Variants in ANKFY1 observed in about 807,000 individuals in gnomAD.
The protein encoded by ANKFY1 is ankyrin repeat and FYVE domain-containing protein 1.
ANKFY1 carries 47 observed loss-of-function variants against 128.3 expected under a neutral mutation model. The observed-to-expected ratio is 0.37, with a 90% CI of 0.29 to 0.47. The LOEUF (loss-of-function observed/expected upper bound fraction) is 0.47. ANKFY1 is among the 20% of genes least tolerant of loss of function. The pLI is 1.00. For synonymous variants in ANKFY1, 553 were observed against 601.6 expected (o/e 0.92, Z 1.18); for missense variants, 1,222 against 1,510.6 (o/e 0.81, Z 3.17).
At chr17:4,208,199 C>T in intron 5 of ANKFY1, 117 bp from the exon 6 acceptor site, 1 of 952,562 alleles carries the variant, frequency 1.0e-6, no homozygotes, top group Non-Finnish European at 1.5e-6. Flanking sequence ...TTAACCTTTC[C>T]CAACTCATTT....
intron 7 of ANKFY1, 134 bp from the exon 8 acceptor site, chr17:4,197,711 AT>A: frequency 1.3e-6 from 1 of 783,870 alleles, no homozygotes; most frequent in Non-Finnish European, 2.1e-6. Flanking sequence ...CTCTTGGGGC[AT>A]CTGTAAGTGG....
intron 4 of ANKFY1, among the ~76,000 whole-genome samples, chr17:4,213,937 C>T (rs1265373264): frequency 6.6e-6 from 1 of 152,078 alleles, no homozygotes; most frequent in African/African-American, 2.4e-5. Context: ...TGTAGCACAC[C>T]ACAGCAATGT....
At chr17:4,173,329 G>A (rs762926114) in intron 21 of ANKFY1, 25 bp downstream of exon 21, 2 of 1,608,244 alleles carry the variant, frequency 1.2e-6, no homozygotes, top group African/African-American at 2.7e-5. Context: ...GCGCCGCGGG[G>A]CCTACTCGGG....
At position 4,181,337 on chromosome 17, in the gene ANKFY1, C is replaced by T. The variant is rs780688704; in HGVS notation, c.2157G>A (p.Pro719=). ...GCGTCTGAAGGCACCCACCAGGTCC[C>T]GGACCCCAGCATGTGGCATCACAGC... ...RHGCDATCWG[P]GPGGCLQTLL... The change falls in exon 16 of 25, where the codon CCG becomes CCA. Residue 719 remains proline, a synonymous_variant. Coordinates refer to ENST00000341657, the MANE Select transcript of ANKFY1 (RefSeq NM_001330063.2). This position sits in a 1 kb window ranked among gnomAD's most constrained non-coding sequence, Gnocchi z 4.9. The T allele has an allele frequency of 8.7e-6, 14 of 1,613,996 alleles. No individual in the cohort carries two copies. Among genetic ancestry groups the T allele is most frequent in the East Asian group, 2.2e-5 (1 of 44,900 alleles).
At chr17:4,199,365 T>C (rs1430219898) in intron 7 of ANKFY1, among the ~76,000 whole-genome samples, 1 of 152,166 alleles carries the variant, frequency 6.6e-6, no homozygotes, top group African/African-American at 2.4e-5. Context: ...TTATTTTTTA[T>C]ATTTTTAGTA....
rs1412565770 is a variant in ANKFY1, at chr17:4,180,128, A to T, written c.2241-251T>A. On this transcript the variant is annotated intron_variant, in intron 16 of 24. Transcript: ENST00000341657. ...GAAACTTCCCAGGGGATATGCATAC[A>T]TTTAAAGCCTGAGAACCAGCCGGAT... 18 of 499,316 alleles carry T rather than the reference A, an allele frequency of 3.6e-5. No homozygotes were observed. In the Middle Eastern group the frequency reaches 1.6e-3, roughly 44 times the overall value. 30.9% of individuals were successfully genotyped at this position (499,316 alleles called of 1,614,324 possible).
intron 21 of ANKFY1, 31 bp downstream of exon 21, chr17:4,173,323 C>T (rs772250624): frequency 2.5e-6 from 4 of 1,605,654 alleles, no homozygotes; most frequent in Middle Eastern, 1.7e-4. Context: ...GGCCAGGCGC[C>T]GCGGGGCCTA....
At position 4,263,549 on chromosome 17, in the gene ANKFY1, G is replaced by C. The variant is rs1444704748; in HGVS notation, c.10+383C>G. On this transcript the variant is annotated intron_variant, in intron 1 of 24. Coordinates refer to ENST00000341657, the MANE Select transcript of ANKFY1 (RefSeq NM_001330063.2). Reference sequence around the variant, plus strand: ...GAGGGATGGACCCCTTCCGGATGCAGAACGTGCCAGGACAGCAGTTTCGAT... The same window carrying C: ...GAGGGATGGACCCCTTCCGGATGCACAACGTGCCAGGACAGCAGTTTCGAT... The C allele has an allele frequency of 3.3e-6, 5 of 1,498,298 alleles. No individual in the cohort carries two copies. The Admixed American group carries it at 6.0e-5, about 18-fold the overall frequency. The allele number at this position is 1,498,298 out of a possible 1,614,324, so 92.8% of individuals were successfully genotyped here. A position where few individuals can be genotyped will look rare whatever the true frequency, so the allele number is the denominator to read the frequency against.
Position 4,249,639 on chromosome 17 carries a change from A to C in ANKFY1, c.11-7191T>G, listed in dbSNP as rs535092979. ...CTATCTGGAACACCTAGAATTCTGT[A>C]ACCTCTCACTTCTTACCAAACTCTA... On this transcript the variant is annotated intron_variant, in intron 1 of 24. Transcript: ENST00000341657. 3.3e-5 allele frequency among the ~76,000 whole-genome samples: 5 copies of C among 152,178 alleles called. No individual in the cohort carries two copies. The South Asian group carries it at 6.2e-4, about 19-fold the overall frequency.
chr17:4,227,846 A>C (rs1598111747), intron 3 of ANKFY1, among the ~76,000 whole-genome samples: 1 of 152,194 alleles, frequency 6.6e-6, no homozygotes, highest in Non-Finnish European at 1.5e-5. Flanking sequence ...GTAAACAAAA[A>C]CCAAAACAAC....
Position 4,206,911 on chromosome 17 carries a change from C to T in ANKFY1, c.733-425G>A, listed in dbSNP as rs529453777. On this transcript the variant is annotated intron_variant, in intron 6 of 24. Transcript: ENST00000341657. ...TGGACACCCGGGATAAAACATACTT[C>T]GCTCCCATCTGTCAAGAGCCATTAC... 3.9e-5 allele frequency among the ~76,000 whole-genome samples: 6 copies of T among 152,296 alleles called. No individual in the cohort carries two copies. The East Asian group carries it at 9.6e-4, about 24-fold the overall frequency.
chr17:4,244,220 C>T (rs1967412736), intron 1 of ANKFY1, among the ~76,000 whole-genome samples: 1 of 152,172 alleles, frequency 6.6e-6, no homozygotes, highest in Admixed American at 6.5e-5. Context: ...CATGAGCTAC[C>T]ATGCCCAGCC....
chr17:4,260,269 G>A (rs1968339703), intron 1 of ANKFY1, among the ~76,000 whole-genome samples: 1 of 152,086 alleles, frequency 6.6e-6, no homozygotes, highest in Admixed American at 6.6e-5. Flanking sequence ...AAATCTAGGA[G>A]GAAAAGTTAA....
intron 5 of ANKFY1, among the ~76,000 whole-genome samples, chr17:4,208,564 T>G (rs1226357896): frequency 1.3e-5 from 2 of 152,172 alleles, no homozygotes; most frequent in Non-Finnish European, 2.9e-5. Flanking sequence ...TTATTGCAGA[T>G]CTCTATATTT....
At chr17:4,189,077 G>A (rs1013173832) in intron 11 of ANKFY1, among the ~76,000 whole-genome samples, 1 of 152,152 alleles carries the variant, frequency 6.6e-6, no homozygotes, top group Non-Finnish European at 1.5e-5. Flanking sequence ...TGCTATCGCG[G>A]TAGGTTTGTG....
chr17:4,251,864 G>A (rs1022528066), intron 1 of ANKFY1, among the ~76,000 whole-genome samples: 28 of 151,876 alleles, frequency 1.8e-4, no homozygotes, highest in African/African-American at 5.8e-4. Context: ...GCAAAACCCC[G>A]TCTCTACAAA....
intron 6 of ANKFY1, 74 bp from the exon 7 acceptor site, chr17:4,206,560 C>T: frequency 7.4e-7 from 1 of 1,360,346 alleles, no homozygotes; most frequent in Non-Finnish European, 1.0e-6. Context: ...CCCACCTTGA[C>T]CCTTAAATAT....
Position 4,181,161 on chromosome 17 carries a change from C to T in ANKFY1, c.2240+93G>A. ...CTGTGAAAGTCAAGCCGGCTACTGGCATGCCAAGACTATAGACGGATTTAA... is the reference window on the plus strand; with the variant it reads ...CTGTGAAAGTCAAGCCGGCTACTGGTATGCCAAGACTATAGACGGATTTAA... On this transcript the variant is annotated intron_variant, in intron 16 of 24. Coordinates refer to ENST00000341657, the MANE Select transcript of ANKFY1 (RefSeq NM_001330063.2). This position sits in a 1 kb window ranked among gnomAD's most constrained non-coding sequence, Gnocchi z 4.9. 1 of 1,038,872 alleles carries T rather than the reference C, an allele frequency of 9.6e-7. No homozygotes were observed. The highest frequency in any genetic ancestry group is 1.5e-6 in the Non-Finnish European group (1 of 677,736). The allele number at this position is 1,038,872 out of a possible 1,614,324, so 64.4% of individuals were successfully genotyped here.
rs778941965 is a variant in ANKFY1 at position 4,181,284 on chromosome 17, T to C, written c.2210A>G (p.Asn737Ser). 6.2e-7 allele frequency: 1 copy of C among 1,614,070 alleles called. No homozygotes were observed. Among genetic ancestry groups the C allele is most frequent in the Non-Finnish European group, 8.5e-7 (1 of 1,179,958 alleles). ...AATAAGAAAGCAGGCGGTGGGCTCG[T>C]TGTTTTCATCAATGGCTCTGTGCAG... is the stretch of plus-strand genomic sequence containing the variant. ...TLLHRAIDEN[N>S]EPTACFLIRS... is the part of the protein sequence containing the mutation. Residue 737 changes from asparagine (N) to serine (S), a missense_variant, in exon 16 of 25, where the codon AAC becomes AGC. Transcript: ENST00000341657. This position sits in a 1 kb window ranked among gnomAD's most constrained non-coding sequence, Gnocchi z 4.9.
Sources: gnomAD v4.1 joint callset for allele counts (sites outside exome capture counted in the v4.1 genomes callset) on GRCh38, gnomAD v4.1.1 for gene constraint, Gnocchi (gnomAD v3.1) non-coding constraint, MANE v1.5 for transcripts, NCBI Gene and HGNC (gene_info 2026-07-23, HGNC 2026-07-21) for gene names.